Variants in C12orf50 observed in about 807,000 individuals in gnomAD.
C12orf50 encodes uncharacterized protein C12orf50.
Under a neutral mutation model 61.6 loss-of-function variants are expected in C12orf50, and 35 were observed. The ratio of observed to expected loss-of-function variants is 0.57; its 90% CI spans 0.43 to 0.75. C12orf50 has a LOEUF of 0.75. C12orf50 is among the 30% of genes least tolerant of loss of function. C12orf50 has a pLI of 0.00. For synonymous variants in C12orf50, 178 were observed against 161.5 expected (o/e 1.10, Z -0.77); for missense variants, 475 against 488.5 (o/e 0.97, Z 0.26).
chr12:88,004,661 G>A (rs1400776620), intron 3 of C12orf50, among the ~76,000 whole-genome samples: 1 of 152,180 alleles, frequency 6.6e-6, no homozygotes, highest in African/African-American at 2.4e-5. Flanking sequence ...ACTGGATAAA[G>A]AAAATGTGGC....
intron 3 of C12orf50, among the ~76,000 whole-genome samples, chr12:88,001,045 A>G (rs1285875233): frequency 6.6e-6 from 1 of 151,896 alleles, no homozygotes; most frequent in Non-Finnish European, 1.5e-5. Context: ...CTTGACTGCA[A>G]ATGACAAGAA....
intron 3 of C12orf50, among the ~76,000 whole-genome samples, chr12:88,012,158 G>T (rs1337973881): frequency 6.6e-6 from 1 of 152,150 alleles, no homozygotes; most frequent in Admixed American, 6.5e-5. Flanking sequence ...TATGACCAAG[G>T]GAGTCGGAGT....
At position 88,027,000 on chromosome 12, in the gene C12orf50, T is replaced by C; in HGVS notation, c.-38A>G. ...GCAAAGTGGATCTAAACATTTCCTC[T>C]CTCTCCATAATGAGCACACAGTGTC... is the stretch of plus-strand genomic sequence containing the variant. On this transcript the variant is annotated 5_prime_UTR_variant, in exon 2 of 13. Transcript: ENST00000298699. The C allele has an allele frequency of 1.9e-6, 3 of 1,613,994 alleles. No individual in the cohort carries two copies. The highest frequency in any genetic ancestry group is 1.1e-5 in the South Asian group (1 of 91,058).
intron 3 of C12orf50, among the ~76,000 whole-genome samples, chr12:88,009,341 A>G (rs1195468235): frequency 4.6e-5 from 7 of 152,060 alleles, no homozygotes; most frequent in Admixed American, 2.0e-4. Context: ...TGCCAATAAT[A>G]TGGGTATATT....
At chr12:88,020,951 T>C (rs2032494011) in intron 3 of C12orf50, among the ~76,000 whole-genome samples, 2 of 152,042 alleles carry the variant, frequency 1.3e-5, no homozygotes, top group Non-Finnish European at 2.9e-5. Flanking sequence ...GGGTAAACAA[T>C]GAAATTATGG....
In C12orf50 at chr12:87,996,399, CA is replaced by C; in HGVS notation, c.455del (p.Leu152TrpfsTer28). On this transcript the variant is annotated frameshift_variant, in exon 6 of 13. Transcript: ENST00000298699. LOFTEE classifies it high-confidence loss of function. Reference protein sequence around the residue: ...PTAEKQLEKPLENGSELQEGD... With the variant: ...PTAEKQLEKPXENGSELQEGD... ...CTTCTTGCAATTCACTGCCATTTTC[CA>C]AAGGCTTTTCTAACTGTTTTTCTGC... 1 of 1,612,364 alleles carries C rather than the reference CA, an allele frequency of 6.2e-7. No homozygotes were observed. The highest frequency in any genetic ancestry group is 1.3e-5 in the African/African-American group (1 of 74,966).
chr12:88,000,064 T>G (rs2031588836), intron 3 of C12orf50, among the ~76,000 whole-genome samples: 1 of 152,080 alleles, frequency 6.6e-6, no homozygotes, highest in Non-Finnish European at 1.5e-5. Flanking sequence ...GAATGTGAGT[T>G]TGTTTTTTGG....
chr12:88,007,407 A>T (rs995484858), intron 3 of C12orf50, among the ~76,000 whole-genome samples: 2 of 152,258 alleles, frequency 1.3e-5, no homozygotes, highest in Admixed American at 1.3e-4. Flanking sequence ...GTAACAAAAT[A>T]TCTGGGTAAT....
In C12orf50 at chr12:87,982,679, A is replaced by T. The variant is rs183106326; in HGVS notation, c.1219+424T>A. ...AGTCCCTCAGAAACTACTGGCTGAG[A>T]AATTTCATCTTGGATGTCCTGTCAG... On this transcript the variant is annotated intron_variant, in intron 12 of 12. Transcript: ENST00000298699. Among the ~76,000 whole-genome samples the T allele has an allele frequency of 1.8e-3, 274 of 152,256 alleles. 2 individuals are homozygous for T. The highest frequency in any genetic ancestry group is 6.3e-3 in the African/African-American group (260 of 41,564).
chr12:88,019,725 G>C (rs1011397546), intron 3 of C12orf50, among the ~76,000 whole-genome samples: 22 of 152,066 alleles, frequency 1.4e-4, no homozygotes, highest in African/African-American at 5.3e-4. Flanking sequence ...CACTAGGAAG[G>C]TAGAAGAAAA....
chr12:87,991,203 GC>G (rs1158621703), intron 7 of C12orf50, among the ~76,000 whole-genome samples: 2 of 152,134 alleles, frequency 1.3e-5, no homozygotes, highest in Admixed American at 1.3e-4. Context: ...CTAGCTGCCT[GC>G]CAGGAGAAAA....
In C12orf50 at chr12:87,987,954, C is replaced by T. The variant is rs756578472; in HGVS notation, c.713G>A (p.Ser238Asn). ...AGTTAGGGAATGCTTTGGATGAGGA[C>T]TGTCCTTGTTATCTTTTAAAGCAAA... ...KCSNTKDNKDSPHPKHSLTTR... is the reference protein window; with the variant it reads ...KCSNTKDNKDNPHPKHSLTTR... The change falls in exon 9 of 13, where the codon AGT becomes AAT. Residue 238 changes from serine to asparagine, a missense_variant. By Grantham distance (46) the Ser-to-Asn change is conservative. Coordinates refer to ENST00000298699, the MANE Select transcript of C12orf50 (RefSeq NM_152589.3). The T allele has an allele frequency of 1.3e-6, 2 of 1,598,190 alleles. No homozygotes were observed. Among genetic ancestry groups the T allele is most frequent in the East Asian group, 4.5e-5 (2 of 44,612 alleles).
At chr12:88,005,378 G>A (rs1199363283) in intron 3 of C12orf50, among the ~76,000 whole-genome samples, 1 of 152,120 alleles carries the variant, frequency 6.6e-6, no homozygotes, top group Non-Finnish European at 1.5e-5. Context: ...GGGATAACAC[G>A]GACTTTAGCA....
At chr12:88,029,834 A>C (rs1245226798), upstream of C12orf50, among the ~76,000 whole-genome samples, 1 of 152,172 alleles carries the variant, frequency 6.6e-6, no homozygotes, top group Non-Finnish European at 1.5e-5. Flanking sequence ...TGATATATTA[A>C]TAGGTACCTG....
chr12:88,023,841 C>T (rs1198386582), intron 3 of C12orf50, among the ~76,000 whole-genome samples: 3 of 152,040 alleles, frequency 2.0e-5, no homozygotes, highest in Non-Finnish European at 4.4e-5. Flanking sequence ...AAACTACCAA[C>T]AGAGTAAACA....
At chr12:87,981,309 T>A (rs2030457389) in intron 12 of C12orf50, among the ~76,000 whole-genome samples, 1 of 152,166 alleles carries the variant, frequency 6.6e-6, no homozygotes, top group Non-Finnish European at 1.5e-5. Flanking sequence ...TAAGAGAATA[T>A]AATTTCAACA....
At chr12:88,004,741 C>T (rs143406523) in intron 3 of C12orf50, among the ~76,000 whole-genome samples, 5 of 152,174 alleles carry the variant, frequency 3.3e-5, no homozygotes, top group African/African-American at 7.2e-5. Flanking sequence ...GCAACATGAA[C>T]GGAGCTGGAG....
chr12:87,981,829 C>T (rs2030489627), intron 12 of C12orf50, among the ~76,000 whole-genome samples: 1 of 152,068 alleles, frequency 6.6e-6, no homozygotes, highest in South Asian at 2.1e-4. Context: ...TCATATTAGA[C>T]ATGGCTTGTC....
intron 3 of C12orf50, among the ~76,000 whole-genome samples, chr12:88,000,525 G>T (rs1469015203): frequency 6.6e-6 from 1 of 151,056 alleles, no homozygotes; most frequent in East Asian, 1.9e-4. Flanking sequence ...CACTATTCTG[G>T]GTCCCTTAAA....
Sources: gnomAD v4.1 joint callset for allele counts (sites outside exome capture counted in the v4.1 genomes callset) on GRCh38, gnomAD v4.1.1 for gene constraint, MANE v1.5 for transcripts, NCBI Gene and HGNC (gene_info 2026-07-23, HGNC 2026-07-21) for gene names.